RASGEF1C: variants seen among roughly 807,000 people sequenced by gnomAD.
RASGEF1C encodes RasGEF domain family member 1C.
RASGEF1C carries 27 observed loss-of-function variants against 58.1 expected under a neutral mutation model. The ratio of observed to expected loss-of-function variants is 0.46; its 90% CI spans 0.34 to 0.64. The LOEUF is 0.64. RASGEF1C is among the 30% of genes least tolerant of loss of function. RASGEF1C has a pLI of 0.01. For synonymous variants in RASGEF1C, 243 were observed against 246.3 expected, an observed-to-expected ratio of 0.99 and a Z score of 0.13; for missense variants, 502 against 605.1, an observed-to-expected ratio of 0.83 and a Z score of 1.79.
At chr5:180,160,935 T>C (rs1766933967) in intron 1 of RASGEF1C, among the ~76,000 whole-genome samples, 1 of 152,182 alleles carries the variant, frequency 6.6e-6, no homozygotes, top group Non-Finnish European at 1.5e-5. Context: ...TAGGGAAACG[T>C]GTCAGCAAGA....
chr5:180,107,514 T>C (rs1320326290), intron 12 of RASGEF1C, among the ~76,000 whole-genome samples: 1 of 152,210 alleles, frequency 6.6e-6, no homozygotes, highest in Non-Finnish European at 1.5e-5. Context: ...TGGTTTCTGA[T>C]GAGAAATTTG....
chr5:180,164,594 A>C lies in RASGEF1C; in HGVS notation c.-6-26536T>G, dbSNP rs532718253. Among the ~76,000 whole-genome samples, 17 of 152,322 alleles carry C rather than the reference A, an allele frequency of 1.1e-4. No homozygotes were observed. The South Asian group carries it at 3.5e-3, about 32-fold the overall frequency. On this transcript the variant is annotated intron_variant, in intron 1 of 13. Coordinates refer to ENST00000361132, the MANE Select transcript of RASGEF1C (RefSeq NM_175062.4). Reference sequence around the variant, plus strand: ...TGCTTAATTTCTAAGGGTTTGTTCTAAGATTTCTCTGTTGTGGTTCTATCT... The same window carrying C: ...TGCTTAATTTCTAAGGGTTTGTTCTCAGATTTCTCTGTTGTGGTTCTATCT...
chr5:180,128,666 C>T, intron 4 of RASGEF1C, 56 bp from the exon 5 acceptor site: 1 of 1,550,262 alleles, frequency 6.5e-7, no homozygotes, highest in Admixed American at 1.8e-5. Flanking sequence ...GCATCTCTAA[C>T]ACTGGAACCA....
chr5:180,182,097 C>T (rs915345823), intron 1 of RASGEF1C, among the ~76,000 whole-genome samples: 35 of 149,784 alleles, frequency 2.3e-4, no homozygotes, highest in Admixed American at 5.3e-4. Flanking sequence ...CCCAGCTACA[C>T]GGGAGGCTGA....
intron 1 of RASGEF1C, among the ~76,000 whole-genome samples, chr5:180,190,175 T>C (rs951695055): frequency 1.3e-5 from 2 of 151,652 alleles, no homozygotes; most frequent in Non-Finnish European, 2.9e-5. Context: ...GGCAACACAG[T>C]GAGAATCTGT....
chr5:180,109,159 ATAAT>A (rs1765914521), intron 12 of RASGEF1C, among the ~76,000 whole-genome samples: 1 of 152,150 alleles, frequency 6.6e-6, no homozygotes, highest in Non-Finnish European at 1.5e-5. Flanking sequence ...AATCATCATA[ATAAT>A]TAGGGTAGTA....
intron 5 of RASGEF1C, 112 bp from the exon 6 acceptor site, chr5:180,127,795 T>G: frequency 2.1e-6 from 2 of 946,498 alleles, no homozygotes; most frequent in Non-Finnish European, 3.1e-6. Flanking sequence ...ACAGTCACTC[T>G]GCAACTGCCC....
intron 1 of RASGEF1C, among the ~76,000 whole-genome samples, chr5:180,169,347 G>GT (rs547516308): frequency 5.3e-5 from 8 of 152,316 alleles, no homozygotes; most frequent in African/African-American, 1.9e-4. Flanking sequence ...TCGCCTCGGA[G>GT]TAAGGGCCTT....
intron 4 of RASGEF1C, among the ~76,000 whole-genome samples, chr5:180,133,986 G>A (rs1561738834): frequency 6.6e-6 from 1 of 152,188 alleles, no homozygotes; most frequent in Non-Finnish European, 1.5e-5. Context: ...TAGGGAAACT[G>A]GCTCAGAGAG....
intron 1 of RASGEF1C, among the ~76,000 whole-genome samples, chr5:180,200,468 C>A (rs1480496373): frequency 1.3e-5 from 2 of 151,486 alleles, no homozygotes; most frequent in Non-Finnish European, 2.9e-5. Flanking sequence ...CGCCACCACG[C>A]CAGGCTAATT....
At chr5:180,167,847 G>A (rs1309208784) in intron 1 of RASGEF1C, among the ~76,000 whole-genome samples, 1 of 152,222 alleles carries the variant, frequency 6.6e-6, no homozygotes. Flanking sequence ...TAAATCCTAT[G>A]GAGAATATTT....
At chr5:180,193,509 C>T (rs13179170) in intron 1 of RASGEF1C, among the ~76,000 whole-genome samples, 4,775 of 152,182 alleles carry the variant, frequency 0.031, 90 homozygotes, top group Middle Eastern at 0.051. Context: ...TGCAAGGTGA[C>T]ACCCTAAGGA....
At chr5:180,173,681 A>G (rs10059150) in intron 1 of RASGEF1C, among the ~76,000 whole-genome samples, 1,630 of 151,384 alleles carry the variant, frequency 0.011, 33 homozygotes, top group African/African-American at 0.036. Flanking sequence ...TTGGGAGGCC[A>G]AGGTGGGCAG....
In RASGEF1C at chr5:180,198,318, T is replaced by C. The variant is rs1048386342; in HGVS notation, c.-7+10710A>G. Among the ~76,000 whole-genome samples, 14 of 152,244 alleles carry C rather than the reference T, an allele frequency of 9.2e-5. No homozygotes were observed. Among genetic ancestry groups the C allele is most frequent in the Admixed American group, 5.2e-4 (8 of 15,286 alleles). Reference sequence around the variant, plus strand: ...AGAAGGGAAGAAAGTGAAGGCATACTGGACGCCTGCCTTGGCCAGCTCTGG... The same window carrying C: ...AGAAGGGAAGAAAGTGAAGGCATACCGGACGCCTGCCTTGGCCAGCTCTGG... On this transcript the variant is annotated intron_variant, in intron 1 of 13. Transcript: ENST00000361132. The surrounding 1 kb of genome is among the most constrained non-coding windows in gnomAD (Gnocchi z 4.5).
chr5:180,110,897 C>T (rs1249008872), intron 12 of RASGEF1C, among the ~76,000 whole-genome samples: 3 of 152,002 alleles, frequency 2.0e-5, no homozygotes, highest in Non-Finnish European at 4.4e-5. Context: ...CTCACTGCAA[C>T]CTCTGCCTCC....
intron 1 of RASGEF1C, among the ~76,000 whole-genome samples, chr5:180,195,720 C>T (rs889294038): frequency 2.0e-5 from 3 of 151,870 alleles, no homozygotes; most frequent in African/African-American, 4.8e-5. Flanking sequence ...CGAGATCACA[C>T]CACTACTGCA....
chr5:180,132,963 G>A lies in RASGEF1C; in HGVS notation c.438+3415C>T, dbSNP rs373146132. Among the ~76,000 whole-genome samples the A allele has an allele frequency of 3.1e-3, 378 of 123,328 alleles. 2 individuals carry two copies. Among genetic ancestry groups the A allele is most frequent in the African/African-American group, 0.011 (342 of 32,158 alleles). The allele number at this position is 123,328 out of a possible 152,430, so 80.9% of individuals were successfully genotyped here. A position where few individuals can be genotyped will look rare whatever the true frequency, so the allele number is the denominator to read the frequency against. On this transcript the variant is annotated intron_variant, in intron 4 of 13. Coordinates refer to ENST00000361132, the MANE Select transcript of RASGEF1C (RefSeq NM_175062.4). ...AGCCTGGGTGACAGAGAGAGACTCC[G>A]TCTCAGAAAAAAAAAAAAAAAAAAA... is the stretch of plus-strand genomic sequence containing the variant.
At chr5:180,126,895 G>T (rs975411327) in intron 6 of RASGEF1C, among the ~76,000 whole-genome samples, 1 of 152,200 alleles carries the variant, frequency 6.6e-6, no homozygotes, top group Admixed American at 6.5e-5. Flanking sequence ...CTCCAAAGTG[G>T]CTGCGCCAGC....
At chr5:180,151,457 A>G (rs1766743916) in intron 1 of RASGEF1C, among the ~76,000 whole-genome samples, 1 of 152,234 alleles carries the variant, frequency 6.6e-6, no homozygotes, top group Non-Finnish European at 1.5e-5. Flanking sequence ...GACAAAAACA[A>G]GAAATGGGGA....
Sources: allele counts gnomAD v4.1 joint callset (sites outside exome capture counted in the v4.1 genomes callset), GRCh38; gene constraint gnomAD v4.1.1; non-coding constraint Gnocchi (gnomAD v3.1); transcripts MANE v1.5; gene names NCBI Gene and HGNC (gene_info 2026-07-23, HGNC 2026-07-21).